The following COL23A1 variants were observed in gnomAD, a reference collection of about 807,000 sequenced individuals.
COL23A1 encodes collagen type XXIII alpha 1 chain.
COL23A1 carries 97 observed loss-of-function variants against 99.3 expected under a neutral mutation model. That is an observed-to-expected ratio of 0.98 (90% CI 0.83 to 1.16). COL23A1 has a LOEUF of 1.16. COL23A1 is among the 50% of genes most tolerant of loss of function. The pLI, the probability that COL23A1 is intolerant of heterozygous loss-of-function variation, is 0.00. For synonymous variants in COL23A1, 320 were observed against 308.2 expected, an observed-to-expected ratio of 1.04 and a Z score of -0.40; for missense variants, 762 against 757.4, an observed-to-expected ratio of 1.01 and a Z score of -0.07.
chr5:178,330,200 T>C (rs1359953228), intron 2 of COL23A1, among the ~76,000 whole-genome samples: 1 of 152,044 alleles, frequency 6.6e-6, no homozygotes, highest in Non-Finnish European at 1.5e-5. Context: ...GGGCCTAGGG[T>C]CTCCTGCCCA....
In COL23A1 at chr5:178,306,795, G is replaced by T; in HGVS notation, c.406+80C>A. ...GCATGACTCAGGGTGGGCAGCAGGTGGCCAGGCCCTGCAGTCAGAGCCTGG... is the reference window on the plus strand; with the variant it reads ...GCATGACTCAGGGTGGGCAGCAGGTTGCCAGGCCCTGCAGTCAGAGCCTGG... On this transcript the variant is annotated intron_variant, in intron 3 of 28. Coordinates refer to ENST00000390654, the MANE Select transcript of COL23A1 (RefSeq NM_173465.4). This position sits in a 1 kb window ranked among gnomAD's most constrained non-coding sequence, Gnocchi z 4.1. 9.2e-7 allele frequency: 1 copy of T among 1,081,874 alleles called. No homozygotes were observed. The highest frequency in any genetic ancestry group is 1.3e-6 in the Non-Finnish European group (1 of 789,430). 67.0% of individuals were successfully genotyped at this position (1,081,874 alleles called of 1,614,324 possible).
intron 2 of COL23A1, among the ~76,000 whole-genome samples, chr5:178,409,007 CACACACACACACACAT>C (rs1428915518): frequency 3.4e-5 from 5 of 149,012 alleles, no homozygotes; most frequent in South Asian, 2.2e-4. Flanking sequence ...CACACACACA[CACACACACACACACAT>C]CATGTGGCTG....
intron 3 of COL23A1, among the ~76,000 whole-genome samples, chr5:178,300,245 A>ATT (rs1442491143): frequency 1.4e-5 from 2 of 140,132 alleles, no homozygotes; most frequent in Non-Finnish European, 3.1e-5. Context: ...AATTTTTTGT[A>ATT]TTTTTTTTTT....
At chr5:178,573,417 C>T (rs2113668927) in intron 1 of COL23A1, among the ~76,000 whole-genome samples, 1 of 152,322 alleles carries the variant, frequency 6.6e-6, no homozygotes, top group East Asian at 1.9e-4. Context: ...TTGGCAGGAG[C>T]CACTTGGCTT....
At chr5:178,354,991 G>C (rs1404432097) in intron 2 of COL23A1, among the ~76,000 whole-genome samples, 1 of 151,622 alleles carries the variant, frequency 6.6e-6, no homozygotes, top group Non-Finnish European at 1.5e-5. Flanking sequence ...CCGGGAGGCG[G>C]AGGTTGCAGT....
chr5:178,577,607 G>T (rs920551036), intron 1 of COL23A1, among the ~76,000 whole-genome samples: 3 of 152,082 alleles, frequency 2.0e-5, no homozygotes, highest in African/African-American at 7.2e-5. Context: ...CAGAACCCGC[G>T]CCTGCCCCCC....
chr5:178,429,103 C>T (rs200208187), intron 2 of COL23A1, among the ~76,000 whole-genome samples: 85 of 152,266 alleles, frequency 5.6e-4, no homozygotes, highest in African/African-American at 1.8e-3. Flanking sequence ...TATGTTGGGC[C>T]CCATGCCAGG....
At chr5:178,507,331 C>T (rs745450308) in intron 2 of COL23A1, among the ~76,000 whole-genome samples, 9 of 152,136 alleles carry the variant, frequency 5.9e-5, no homozygotes, top group African/African-American at 9.7e-5. Flanking sequence ...GAGAAACTTC[C>T]GATCTTTAGC....
intron 2 of COL23A1, among the ~76,000 whole-genome samples, chr5:178,403,421 A>G (rs1008752517): frequency 6.6e-6 from 1 of 152,028 alleles, no homozygotes; most frequent in Admixed American, 6.6e-5. Flanking sequence ...TCCCTTGGAG[A>G]GTTTCAAACG....
At position 178,589,940 on chromosome 5, in the gene COL23A1, G is replaced by A; in HGVS notation, c.258C>T (p.Ala86=). Residue 86 remains alanine, a synonymous_variant, in exon 1 of 29, where the codon GCC becomes GCT. Coordinates refer to ENST00000390654, the MANE Select transcript of COL23A1 (RefSeq NM_173465.4). This position sits in a 1 kb window ranked among gnomAD's most constrained non-coding sequence, Gnocchi z 5.4. ...GGCGCTCCAGGTGCGGCTCGGCCCA[G>A]GCGTCCAGGGCGCCTGGCGGCCCCG... ...RRAGPPGALD[A]WAEPHLERLL... 2.3e-6 allele frequency: 3 copies of A among 1,329,398 alleles called. No homozygotes were observed. The highest frequency in any genetic ancestry group is 2.9e-6 in the Non-Finnish European group (3 of 1,047,220). The allele number at this position is 1,329,398 out of a possible 1,614,324, so 82.4% of individuals were successfully genotyped here.
intron 2 of COL23A1, among the ~76,000 whole-genome samples, chr5:178,547,566 CACA>C (rs2113410676): frequency 2.3e-5 from 2 of 85,700 alleles, no homozygotes; most frequent in African/African-American, 4.8e-5. Context: ...TACACACCCC[CACA>C]CACACCTACA....
chr5:178,258,262 T>TATATATATATATACATATATATACATAC, intron 12 of COL23A1, among the ~76,000 whole-genome samples: 1 of 104,066 alleles, frequency 9.6e-6, no homozygotes, highest in East Asian at 2.5e-4. Context: ...TATATATATA[T>TATATATATATATACATATATATACATAC]ACACATGCAA....
rs184050816 is a variant in COL23A1 at position 178,582,943 on chromosome 5, C to G, written c.294+6961G>C. Among the ~76,000 whole-genome samples, 8 of 152,348 alleles carry G rather than the reference C, an allele frequency of 5.3e-5. 1 individual carries two copies. The East Asian group carries it at 1.4e-3, about 26-fold the overall frequency. On this transcript the variant is annotated intron_variant, in intron 1 of 28. Transcript: ENST00000390654. The stretch of plus-strand genomic sequence containing the variant: ...GAGTGCCAAACCCACACACAGGGTT[C>G]GCAGACATTCGTCCCTTTCACTCCC...
intron 2 of COL23A1, among the ~76,000 whole-genome samples, chr5:178,359,064 T>A (rs1646469596): frequency 6.6e-6 from 1 of 151,716 alleles, no homozygotes; most frequent in Non-Finnish European, 1.5e-5. Flanking sequence ...AAGCACAGAG[T>A]CGCAGGATGG....
intron 2 of COL23A1, among the ~76,000 whole-genome samples, chr5:178,347,437 T>C (rs1429778132): frequency 7.3e-6 from 1 of 137,216 alleles, no homozygotes; most frequent in Non-Finnish European, 1.6e-5. Flanking sequence ...GGGGGAGGGG[T>C]ATGGGGAGGG....
At chr5:178,520,065 ATGGATGGATGGATAGATGGAGGATGGT>A (rs1359696082) in intron 2 of COL23A1, among the ~76,000 whole-genome samples, 7 of 152,146 alleles carry the variant, frequency 4.6e-5, no homozygotes, top group African/African-American at 1.4e-4. Context: ...GGGTGGATGG[ATGGATGGATGGATAGATGGAGGATGGT>A]TAGATGGATA....
At position 178,409,017 on chromosome 5, in the gene COL23A1, CACACAT is replaced by C. The variant is rs1235533224; in HGVS notation, c.362-102104_362-102099del. 2.2e-3 allele frequency among the ~76,000 whole-genome samples: 294 copies of C among 135,026 alleles called. 2 individuals are homozygous for C. Among genetic ancestry groups the C allele is most frequent in the Admixed American group, 4.1e-3 (53 of 12,896 alleles). 88.6% of individuals were successfully genotyped at this position (135,026 alleles called of 152,430 possible). On this transcript the variant is annotated intron_variant, in intron 2 of 28. Transcript: ENST00000390654. ...ACACACACACACACACACACACACA[CACACAT>C]CATGTGGCTGAACAATTGCACTCCT...
At position 178,340,889 on chromosome 5, in the gene COL23A1, G is replaced by A. The variant is rs563158329; in HGVS notation, c.362-33970C>T. 2.0e-5 allele frequency among the ~76,000 whole-genome samples: 3 copies of A among 152,358 alleles called. No individual in the cohort carries two copies. Among genetic ancestry groups the A allele is most frequent in the East Asian group, 1.9e-4 (1 of 5,180 alleles). ...GGCAGCATGGCTGATGTGCATGGGCGCGGGGCTCAAGGTCAGACCCCGCAG... is the reference window on the plus strand; with the variant it reads ...GGCAGCATGGCTGATGTGCATGGGCACGGGGCTCAAGGTCAGACCCCGCAG... On this transcript the variant is annotated intron_variant, in intron 2 of 28. Coordinates refer to ENST00000390654, the MANE Select transcript of COL23A1 (RefSeq NM_173465.4). This position sits in a 1 kb window ranked among gnomAD's most constrained non-coding sequence, Gnocchi z 4.7.
chr5:178,495,706 C>G (rs1437521945), intron 2 of COL23A1, among the ~76,000 whole-genome samples: 1 of 152,034 alleles, frequency 6.6e-6, no homozygotes, highest in South Asian at 2.1e-4. Context: ...GACCAAGAAA[C>G]AGCAAGCTGC....
Sources: allele counts gnomAD v4.1 joint callset (sites outside exome capture counted in the v4.1 genomes callset), GRCh38; gene constraint gnomAD v4.1.1; non-coding constraint Gnocchi (gnomAD v3.1); transcripts MANE v1.5; gene names NCBI Gene and HGNC (gene_info 2026-07-23, HGNC 2026-07-21).